Variants in INTS3 observed in about 807,000 individuals in gnomAD.
The protein encoded by INTS3 is integrator complex subunit 3.
In INTS3, 34 loss-of-function variants were observed where a neutral mutation model predicts 146.3. The ratio of observed to expected loss-of-function variants is 0.23; its 90% confidence interval spans 0.18 to 0.31. The LOEUF is 0.31. Ranked by LOEUF, INTS3 falls within the 10% of genes least tolerant of loss-of-function variation. The probability of loss-of-function intolerance (pLI) is 1.00; values close to 1 mark genes in which losing one functional copy is unlikely to be tolerated. For missense variants in INTS3, 757 were observed against 1,304.2 expected, an observed-to-expected ratio of 0.58 and a Z score of 6.46; for synonymous variants, 475 against 494.9, an observed-to-expected ratio of 0.96 and a Z score of 0.53.
rs774976492 is a variant in INTS3 at position 153,741,277 on chromosome 1, C to T, written c.235-8C>T. 4 of 1,610,908 alleles carry T rather than the reference C, an allele frequency of 2.5e-6. No individual in the cohort carries two copies. In the East Asian group the frequency reaches 8.9e-5, roughly 36 times the overall value. On this transcript the variant is annotated splice_polypyrimidine_tract_variant and splice_region_variant and intron_variant, in intron 2 of 29. Transcript: ENST00000318967. ...ACAACTAGTTTGTTTTCCTTTCTCA[C>T]ATTCCAGGTGTGCAAAGGCCTCCCC...
rs866764814 is a variant in INTS3 at position 153,741,269 on chromosome 1, C to G, written c.235-16C>G. The G allele has an allele frequency of 6.2e-7, 1 of 1,606,066 alleles. No homozygotes were observed. Among genetic ancestry groups the G allele is most frequent in the Non-Finnish European group, 8.5e-7 (1 of 1,172,720 alleles). Reference sequence around the variant, plus strand: ...TGTGAGTGACAACTAGTTTGTTTTCCTTTCTCACATTCCAGGTGTGCAAAG... The same window carrying G: ...TGTGAGTGACAACTAGTTTGTTTTCGTTTCTCACATTCCAGGTGTGCAAAG... On this transcript the variant is annotated splice_polypyrimidine_tract_variant and intron_variant, in intron 2 of 29. Transcript: ENST00000318967.
At chr1:153,759,640 A>G (rs1672299293) in intron 11 of INTS3, 27 bp downstream of exon 11, 2 of 1,448,228 alleles carry the variant, frequency 1.4e-6, no homozygotes, top group East Asian at 2.3e-5. Context: ...AGGCGGCTCC[A>G]CTTCCCCATC....
chr1:153,755,894 G>A (rs976314794), intron 9 of INTS3, among the ~76,000 whole-genome samples: 19 of 151,996 alleles, frequency 1.3e-4, no homozygotes, highest in African/African-American at 4.1e-4. Flanking sequence ...CAAACATTTC[G>A]CTGGGCGTGG....
Position 153,728,668 on chromosome 1 carries a change from G to C in INTS3, c.34G>C (p.Ala12Pro). The change falls in exon 1 of 30, where the codon GCA becomes CCA. Residue 12 changes from alanine to proline, a missense_variant. By Grantham distance (27) the Ala-to-Pro change is conservative. Transcript: ENST00000318967. The stretch of plus-strand genomic sequence containing the variant: ...GCAGAAGGGAAAAGGGGCGGCAGCA[G>C]CAGCAGCTGCTTCGGGAGCAGCGGG... ...ELQKGKGAAA[A>P]AAASGAAGGG... 6.2e-7 allele frequency: 1 copy of C among 1,605,642 alleles called. No individual in the cohort carries two copies. The highest frequency in any genetic ancestry group is 8.5e-7 in the Non-Finnish European group (1 of 1,177,420).
chr1:153,750,975 A>T, intron 6 of INTS3, 120 bp from the exon 7 acceptor site: 1 of 989,026 alleles, frequency 1.0e-6, no homozygotes, highest in Non-Finnish European at 1.5e-6. Flanking sequence ...CAAAGCATCT[A>T]CTCCCAGTGT....
In INTS3 at chr1:153,771,788, TC is replaced by T. The variant is rs749806843; in HGVS notation, c.2553-3del. ...CAAGCAGCACCCAGTGCCCCCTTCCTCCCCCAGGCCCAGCGAGGAGATGGTG... is the reference window on the plus strand; with the variant it reads ...CAAGCAGCACCCAGTGCCCCCTTCCTCCCCAGGCCCAGCGAGGAGATGGTG... On this transcript the variant is annotated splice_polypyrimidine_tract_variant and splice_region_variant and intron_variant, in intron 25 of 29. Transcript: ENST00000318967. 8 of 1,606,882 alleles carry T rather than the reference TC, an allele frequency of 5.0e-6. No homozygotes were observed. In the South Asian group the frequency reaches 6.6e-5, roughly 13 times the overall value.
At chr1:153,747,243 TC>T in intron 4 of INTS3, 35 bp from the exon 5 acceptor site, 1 of 1,576,962 alleles carries the variant, frequency 6.3e-7, no homozygotes, top group Non-Finnish European at 8.7e-7. Flanking sequence ...AACTCACAGT[TC>T]CTGCTCTTCA....
chr1:153,756,760 G>A (rs1364193948), intron 9 of INTS3, among the ~76,000 whole-genome samples: 1 of 151,962 alleles, frequency 6.6e-6, no homozygotes. Context: ...AGGTCGTAGT[G>A]AACTGAGATT....
At chr1:153,760,738 C>A in intron 12 of INTS3, 89 bp from the exon 13 acceptor site, 1 of 1,102,300 alleles carries the variant, frequency 9.1e-7, no homozygotes, top group South Asian at 1.3e-5. Flanking sequence ...GTCCCCTGAT[C>A]AAAACCAAAG....
At chr1:153,752,077 C>T (rs923051628) in intron 7 of INTS3, 3 of 598,680 alleles carry the variant, frequency 5.0e-6, no homozygotes, top group Admixed American at 3.1e-5. Flanking sequence ...AACCTCTCAT[C>T]CTTGATATCA....
rs762828430 is a variant in INTS3, at chr1:153,770,753, C to G, written c.2552+20C>G. ...AGAAAAGTGAGTTCCACTTCTGGGGCTCTTTAGCCCTCAATTTTAACATCC... is the reference window on the plus strand; with the variant it reads ...AGAAAAGTGAGTTCCACTTCTGGGGGTCTTTAGCCCTCAATTTTAACATCC... On this transcript the variant is annotated intron_variant, in intron 25 of 29. Transcript: ENST00000318967. 6.3e-7 allele frequency: 1 copy of G among 1,595,852 alleles called. No homozygotes were observed.
At position 153,773,212 on chromosome 1, in the gene INTS3, C is replaced by G. The variant is rs759080578; in HGVS notation, c.3071C>G (p.Pro1024Arg). The G allele has an allele frequency of 1.9e-6, 3 of 1,614,020 alleles. No individual in the cohort carries two copies. The highest frequency in any genetic ancestry group is 1.7e-6 in the Non-Finnish European group (2 of 1,180,014). The change falls in exon 30 of 30, where the codon CCG becomes CGG. Residue 1024 changes from proline to arginine, a missense_variant. Around this residue, in one of 8 missense-constraint regions of INTS3, gnomAD observed 125 missense variants for 165.6 expected, o/e 0.75. Coordinates refer to ENST00000318967, the MANE Select transcript of INTS3 (RefSeq NM_023015.5). ...SSASEEEDTK[P>R]KPTKRKRKGS... is the part of the protein sequence containing the mutation. Reference sequence around the variant, plus strand: ...TTCCAGGAAGAGGAAGACACGAAACCGAAGCCTACCAAGCGGAAACGAAAA... The same window carrying G: ...TTCCAGGAAGAGGAAGACACGAAACGGAAGCCTACCAAGCGGAAACGAAAA...
At position 153,772,903 on chromosome 1, in the gene INTS3, A is replaced by G. The variant is rs1217433278; in HGVS notation, c.2895-22A>G. The G allele has an allele frequency of 1.9e-6, 3 of 1,613,666 alleles. No homozygotes were observed. In the Admixed American group the frequency reaches 5.0e-5, roughly 27 times the overall value. Reference sequence around the variant, plus strand: ...AGGAGCAGCAGGCTCCCACTCAAAGAGCTACCGCTCCTTTTCCTTAGATTC... The same window carrying G: ...AGGAGCAGCAGGCTCCCACTCAAAGGGCTACCGCTCCTTTTCCTTAGATTC... On this transcript the variant is annotated intron_variant, in intron 28 of 29. Coordinates refer to ENST00000318967, the MANE Select transcript of INTS3 (RefSeq NM_023015.5). The surrounding 1 kb of genome is among the most constrained non-coding windows in gnomAD (Gnocchi z 4.6).
At position 153,769,755 on chromosome 1, in the gene INTS3, C is replaced by T. The variant is rs1404564245; in HGVS notation, c.2314-14C>T. The T allele has an allele frequency of 1.2e-6, 2 of 1,602,532 alleles. No homozygotes were observed. The highest frequency in any genetic ancestry group is 1.1e-5 in the South Asian group (1 of 90,828). On this transcript the variant is annotated splice_polypyrimidine_tract_variant and intron_variant, in intron 22 of 29. Transcript: ENST00000318967. ...AGAGCTGATGGGTTCTGCCTCCTTC[C>T]TCCACCTCCTTAGCTCCAGGAGCTG...
chr1:153,734,345 A>G (rs1430406468), intron 1 of INTS3, among the ~76,000 whole-genome samples: 3 of 152,134 alleles, frequency 2.0e-5, no homozygotes, highest in Non-Finnish European at 4.4e-5. Flanking sequence ...AATGATTTGT[A>G]ATCAATTTTC....
intron 6 of INTS3, among the ~76,000 whole-genome samples, chr1:153,749,893 A>G (rs1570854470): frequency 6.6e-6 from 1 of 152,208 alleles, no homozygotes; most frequent in Non-Finnish European, 1.5e-5. Context: ...TTTCCTGTAC[A>G]GGCATCAGAT....
In INTS3 at chr1:153,773,783, CGTG is replaced by C. The variant is rs1247877502; in HGVS notation, c.*516_*518del. 1 of 177,392 alleles carries C rather than the reference CGTG, an allele frequency of 5.6e-6. No individual in the cohort carries two copies. The highest frequency in any genetic ancestry group is 1.4e-5 in the Non-Finnish European group (1 of 73,126). The allele number at this position is 177,392 out of a possible 1,614,324, so 11.0% of individuals were successfully genotyped here. ...GCCAGTGTGAAATGGGCATCTATGA[CGTG>C]GTCAGGGTGTCCATTCCTAATCATG... is the stretch of plus-strand genomic sequence containing the variant. On this transcript the variant is annotated 3_prime_UTR_variant, in exon 30 of 30. Transcript: ENST00000318967.
chr1:153,759,436 C>T, intron 10 of INTS3, 90 bp from the exon 11 acceptor site: 1 of 854,400 alleles, frequency 1.2e-6, no homozygotes, highest in Non-Finnish European at 2.0e-6. Context: ...ATGAAACAGC[C>T]AAGTGGGGCC....
At chr1:153,756,299 A>G (rs1421952284) in intron 9 of INTS3, among the ~76,000 whole-genome samples, 1 of 151,468 alleles carries the variant, frequency 6.6e-6, no homozygotes, top group African/African-American at 2.4e-5. Flanking sequence ...CAGGAGGCAG[A>G]GGTTACAGTG....
Sources: gnomAD v4.1 joint callset for allele counts (sites outside exome capture counted in the v4.1 genomes callset) on GRCh38, gnomAD v4.1.1 for gene constraint, gnomAD v4.1.1 regional missense constraint, Gnocchi (gnomAD v3.1) non-coding constraint, MANE v1.5 for transcripts, NCBI Gene and HGNC (gene_info 2026-07-23, HGNC 2026-07-21) for gene names.